The following PTGR3 variants were observed in gnomAD, a reference collection of about 807,000 sequenced individuals.
PTGR3 encodes zinc binding alcohol dehydrogenase domain containing 2.
chr18:75,204,993 T>A, the PTGR3 span, among the ~76,000 whole-genome samples: 1 of 152,152 alleles, frequency 6.6e-6, no homozygotes, highest in South Asian at 2.1e-4. Flanking sequence ...ATTGTCTGCG[T>A]CGTCGGTGAA....
At chr18:75,206,008 T>G in the PTGR3 span, among the ~76,000 whole-genome samples, 1 of 152,314 alleles carries the variant, frequency 6.6e-6, no homozygotes, top group South Asian at 2.1e-4. Flanking sequence ...TGTCACCTTC[T>G]TACGAAAAAA....
the PTGR3 span, chr18:75,199,386 T>G: frequency 9.2e-5 from 14 of 152,452 alleles, no homozygotes; most frequent in African/African-American, 3.4e-4. Context: ...CATTACTGCT[T>G]AGATTTCACA....
chr18:75,199,522 T>A, the PTGR3 span: 1 of 152,204 alleles, frequency 6.6e-6, no homozygotes, highest in Non-Finnish European at 1.5e-5. Flanking sequence ...TGTGCACAGT[T>A]ACATTCATAA....
the PTGR3 span, chr18:75,208,345 C>G: frequency 2.0e-6 from 2 of 986,454 alleles, no homozygotes; most frequent in African/African-American, 1.7e-5. Context: ...TCCGCCACTG[C>G]GAGGCGGCTG....
chr18:75,205,051 C>T, the PTGR3 span: 84 of 690,162 alleles, frequency 1.2e-4, no homozygotes, highest in Middle Eastern at 7.4e-4. Flanking sequence ...GCTCGGGTGG[C>T]TCCTCGCGCC....
At chr18:75,201,566 C>A in the PTGR3 span, 2 of 1,614,154 alleles carry the variant, frequency 1.2e-6, no homozygotes, top group East Asian at 4.5e-5. Flanking sequence ...CCTCACAAAC[C>A]AGGTCTCCGC....
chr18:75,204,266 C>A, the PTGR3 span, among the ~76,000 whole-genome samples: 1 of 152,248 alleles, frequency 6.6e-6, no homozygotes, highest in African/African-American at 2.4e-5. Flanking sequence ...CCCCCTCTCC[C>A]CGCCCCAGGC....
At chr18:75,200,605 C>G in the PTGR3 span, 1 of 152,224 alleles carries the variant, frequency 6.6e-6, no homozygotes, top group East Asian at 1.9e-4. Flanking sequence ...TGTGGTGAAC[C>G]CCCACTGAGA....
chr18:75,208,867 G>T, the PTGR3 span: 2 of 1,523,890 alleles, frequency 1.3e-6, no homozygotes, highest in Non-Finnish European at 1.8e-6. Flanking sequence ...GGACGAGGAG[G>T]TCTCCGTCCC....
the PTGR3 span, chr18:75,205,573 T>G: frequency 1.2e-6 from 1 of 816,216 alleles, no homozygotes; most frequent in Admixed American, 6.2e-5. Flanking sequence ...CCCCTCGTCA[T>G]GTTTACTGAG....
At chr18:75,202,325 G>A in the PTGR3 span, 627,655 of 1,606,304 alleles carry the variant, frequency 0.39, 127,784 homozygotes, top group East Asian at 0.48. Flanking sequence ...TGTCAGATGC[G>A]TTAACACCAA....
the PTGR3 span, chr18:75,198,525 T>A: frequency 6.6e-6 from 1 of 152,278 alleles, no homozygotes; most frequent in East Asian, 1.9e-4. Flanking sequence ...CCTGAATTTT[T>A]TTTTTTTTAA....
the PTGR3 span, among the ~76,000 whole-genome samples, chr18:75,208,099 T>C: frequency 2.0e-5 from 3 of 152,140 alleles, no homozygotes; most frequent in African/African-American, 7.2e-5. Context: ...AACACGACGG[T>C]GGGGAGCGCG....
chr18:75,202,372 G>C, the PTGR3 span: 2 of 1,581,798 alleles, frequency 1.3e-6, no homozygotes, highest in Non-Finnish European at 8.6e-7. Context: ...AATATGTTAC[G>C]ATGGGTTTTT....
At chr18:75,207,003 G>A in the PTGR3 span, among the ~76,000 whole-genome samples, 32 of 152,292 alleles carry the variant, frequency 2.1e-4, no homozygotes, top group African/African-American at 7.5e-4. Flanking sequence ...AAAGGGAGGG[G>A]TCCCAGGGCA....
the PTGR3 span, among the ~76,000 whole-genome samples, chr18:75,203,430 C>T: frequency 3.3e-5 from 5 of 152,198 alleles, no homozygotes; most frequent in African/African-American, 1.2e-4. Context: ...TTTAATTTAA[C>T]TTAATAAGCC....
chr18:75,208,462 T>G, the PTGR3 span: 4 of 1,008,996 alleles, frequency 4.0e-6, no homozygotes, highest in Non-Finnish European at 4.7e-6. Flanking sequence ...CGCTCCACCC[T>G]AAAGATTATG....
the PTGR3 span, chr18:75,201,973 A>T: frequency 5.0e-5 from 81 of 1,614,104 alleles, no homozygotes; most frequent in Non-Finnish European, 6.6e-5. Context: ...GCCTTCTTTG[A>T]AAGCTGCATG....
chr18:75,207,649 T>C, the PTGR3 span, among the ~76,000 whole-genome samples: 2 of 124,692 alleles, frequency 1.6e-5, no homozygotes, highest in African/African-American at 6.2e-5. Context: ...CATGGTTCAA[T>C]CATTCTTCCC....
Sources: allele counts gnomAD v4.1 joint callset (sites outside exome capture counted in the v4.1 genomes callset), GRCh38; gene constraint gnomAD v4.1.1; transcripts MANE v1.5; gene names NCBI Gene and HGNC (gene_info 2026-07-23, HGNC 2026-07-21).